SLC2A9: variants seen among roughly 807,000 people sequenced by gnomAD.
SLC2A9 encodes the protein solute carrier family 2 member 9.
A neutral mutation model predicts 50.6 loss-of-function variants in SLC2A9; 39 were observed. The ratio of observed to expected loss-of-function variants is 0.77; its 90% CI spans 0.60 to 1.01. The LOEUF is 1.01. SLC2A9 is among the 50% of genes least tolerant of loss of function. The probability of loss-of-function intolerance (pLI) is 0.00; values close to 1 mark genes in which losing one functional copy is unlikely to be tolerated. For synonymous variants in SLC2A9, 324 were observed against 276.9 expected, an observed-to-expected ratio of 1.17 and a Z score of -1.69; for missense variants, 686 against 677.6, an observed-to-expected ratio of 1.01 and a Z score of -0.14.
intron 1 of SLC2A9, chr4:10,034,200 G>A (rs1764025018): frequency 6.6e-6 from 1 of 152,280 alleles, no homozygotes; most frequent in South Asian, 2.1e-4. Context: ...AAAGTATGGA[G>A]TCAAACTGAA....
intron 7 of SLC2A9, 25 bp from the exon 8 acceptor site, chr4:9,908,370 G>A: frequency 1.3e-6 from 2 of 1,492,404 alleles, no homozygotes; most frequent in Non-Finnish European, 1.9e-6. Flanking sequence ...AGAATGAGCA[G>A]AGAGAATGGT....
At chr4:9,776,062 G>A (rs1423387084), downstream of SLC2A9, among the ~76,000 whole-genome samples, 1 of 152,036 alleles carries the variant, frequency 6.6e-6, no homozygotes, top group Non-Finnish European at 1.5e-5. Flanking sequence ...TTGACAGCAA[G>A]GGAACCCGAG....
At chr4:10,008,431 CA>C (rs1175996399) in intron 2 of SLC2A9, among the ~76,000 whole-genome samples, 1 of 152,160 alleles carries the variant, frequency 6.6e-6, no homozygotes, top group Non-Finnish European at 1.5e-5. Flanking sequence ...TCACAGATCC[CA>C]ATTTAAACAA....
chr4:9,911,184 T>C (rs1741709769), intron 7 of SLC2A9, among the ~76,000 whole-genome samples: 1 of 152,034 alleles, frequency 6.6e-6, no homozygotes. Context: ...CCATATTTAG[T>C]CTTATATTCA....
intron 8 of SLC2A9, among the ~76,000 whole-genome samples, chr4:9,897,693 C>T (rs957707783): frequency 6.6e-6 from 1 of 152,000 alleles, no homozygotes; most frequent in Non-Finnish European, 1.5e-5. Context: ...TCGAGACCAG[C>T]CTGGCCAACA....
upstream of SLC2A9, among the ~76,000 whole-genome samples, chr4:10,023,827 A>G (rs1763667173): frequency 1.3e-5 from 2 of 151,964 alleles, no homozygotes; most frequent in Non-Finnish European, 2.9e-5. Context: ...CAGGGGGAGC[A>G]TGGAGGAGCC....
intron 11 of SLC2A9, among the ~76,000 whole-genome samples, chr4:9,831,008 T>C (rs1221869757): frequency 6.6e-6 from 1 of 152,208 alleles, no homozygotes; most frequent in African/African-American, 2.4e-5. Context: ...GGCCCTCCGC[T>C]AATACATGGG....
Position 10,020,005 on chromosome 4 carries a change from G to A in SLC2A9, c.151-932C>T, listed in dbSNP as rs116687792. ...TGGACAGGGGCCAGGTGCTCCGGAA[G>A]GCACCTTCTTTGCCATCATTTGACA... On this transcript the variant is annotated intron_variant, in intron 1 of 11. Coordinates refer to ENST00000264784, the MANE Select transcript of SLC2A9 (RefSeq NM_020041.3). Among the ~76,000 whole-genome samples the A allele has an allele frequency of 5.2e-3, 798 of 152,082 alleles. 7 individuals carry two copies. The highest frequency in any genetic ancestry group is 0.02 in the Middle Eastern group (6 of 294).
rs1485845431 is a variant in SLC2A9, at chr4:9,920,423, C to A, written c.964G>T (p.Val322Phe). The A allele has an allele frequency of 6.2e-7, 1 of 1,614,178 alleles. No individual in the cohort carries two copies. Among genetic ancestry groups the A allele is most frequent in the Non-Finnish European group, 8.5e-7 (1 of 1,180,036 alleles). Residue 322 changes from valine to phenylalanine, a missense_variant, in exon 7 of 12, where the codon GTC becomes TTC. By Grantham distance (50) the Val-to-Phe change is conservative. Coordinates refer to ENST00000264784, the MANE Select transcript of SLC2A9 (RefSeq NM_020041.3). Reference sequence around the variant, plus strand: ...CAGAGCTGGTAGCAGGCCATGGTGACAATCACGGTGACCACCTGCCAGCGG... The same window carrying A: ...CAGAGCTGGTAGCAGGCCATGGTGAAAATCACGGTGACCACCTGCCAGCGG... ...YVRWQVVTVI[V>F]TMACYQLCGL...
At chr4:9,776,187 C>T (rs1490597031), downstream of SLC2A9, among the ~76,000 whole-genome samples, 109 of 141,978 alleles carry the variant, frequency 7.7e-4, 2 homozygotes, top group African/African-American at 2.4e-3. Context: ...GTCTTTCTTT[C>T]TTTTTTTTTT....
At chr4:9,776,523 G>A (rs937742232), downstream of SLC2A9, among the ~76,000 whole-genome samples, 2 of 152,024 alleles carry the variant, frequency 1.3e-5, no homozygotes, top group African/African-American at 4.8e-5. Context: ...GGCCGGCACA[G>A]CAAGAGTGCT....
chr4:9,829,905 A>G (rs60444808), intron 11 of SLC2A9, among the ~76,000 whole-genome samples: 47 of 152,322 alleles, frequency 3.1e-4, no homozygotes, highest in African/African-American at 1.1e-3. Context: ...ATGCTTCTAC[A>G]TTGTTGGTGG....
intron 3 of SLC2A9, among the ~76,000 whole-genome samples, chr4:9,820,939 C>T (rs1577389799): frequency 1.3e-5 from 2 of 152,290 alleles, no homozygotes; most frequent in Middle Eastern, 6.8e-3. Context: ...CACCTTGTTA[C>T]ACTGACTTGA....
chr4:9,799,342 G>C (rs1721013087), intron 3 of SLC2A9: 1 of 152,106 alleles, frequency 6.6e-6, no homozygotes, highest in Non-Finnish European at 1.5e-5. Flanking sequence ...GGAAGTCTAA[G>C]ATCAAGGCAT....
intron 1 of SLC2A9, among the ~76,000 whole-genome samples, chr4:10,037,973 A>C (rs1764160274): frequency 6.6e-6 from 1 of 151,918 alleles, no homozygotes; most frequent in East Asian, 1.9e-4. Flanking sequence ...ATAATAAATA[A>C]ATAAATAAAG....
At chr4:9,966,919 T>C (rs1038614981) in intron 5 of SLC2A9, among the ~76,000 whole-genome samples, 1 of 152,220 alleles carries the variant, frequency 6.6e-6, no homozygotes, top group Non-Finnish European at 1.5e-5. Flanking sequence ...GGCCATCCCT[T>C]AGTGCCTTTG....
Position 9,940,284 on chromosome 4 carries a change from C to T in SLC2A9, c.814+1629G>A, listed in dbSNP as rs1747884024. Among the ~76,000 whole-genome samples the T allele has an allele frequency of 2.0e-5, 3 of 152,296 alleles. No individual in the cohort carries two copies. In the South Asian group the frequency reaches 6.2e-4, roughly 32 times the overall value. ...CCATCTGACAACCATCTGAACCAAA[C>T]TTTTAGGTGGTTTTTCTCCTCACTG... On this transcript the variant is annotated intron_variant, in intron 6 of 11. Coordinates refer to ENST00000264784, the MANE Select transcript of SLC2A9 (RefSeq NM_020041.3).
rs189631935 is a variant in SLC2A9 at position 9,878,426 on chromosome 4, A to C, written c.1291+9141T>G. 6.5e-3 allele frequency among the ~76,000 whole-genome samples: 394 copies of C among 60,290 alleles called. 1 individual carries two copies. Among genetic ancestry groups the C allele is most frequent in the African/African-American group, 0.011 (373 of 32,554 alleles). The allele number at this position is 60,290 out of a possible 152,430, so 39.6% of individuals were successfully genotyped here. A position where few individuals can be genotyped will look rare whatever the true frequency, so the allele number is the denominator to read the frequency against. On this transcript the variant is annotated intron_variant, in intron 10 of 11. Transcript: ENST00000264784. Reference sequence around the variant, plus strand: ...GTCACCAGTGGCCAGTGATGGAATCAATCATGCCTATATAATGGAGCCTCC... The same window carrying C: ...GTCACCAGTGGCCAGTGATGGAATCCATCATGCCTATATAATGGAGCCTCC...
intron 10 of SLC2A9, among the ~76,000 whole-genome samples, chr4:9,880,968 A>G (rs1357755185): frequency 2.6e-5 from 4 of 152,164 alleles, no homozygotes; most frequent in Non-Finnish European, 5.9e-5. Context: ...AGTGAGTTCC[A>G]TAAAACCGCA....
Sources: allele counts gnomAD v4.1 joint callset (sites outside exome capture counted in the v4.1 genomes callset), GRCh38; gene constraint gnomAD v4.1.1; transcripts MANE v1.5; gene names NCBI Gene and HGNC (gene_info 2026-07-23, HGNC 2026-07-21).